GOLGA7: variants seen among roughly 807,000 people sequenced by gnomAD.
GOLGA7 encodes golgin subfamily A member 7.
In GOLGA7, 10 loss-of-function variants were observed where a neutral mutation model predicts 21.1. The ratio of observed to expected loss-of-function variants is 0.47; its 90% CI spans 0.29 to 0.80. The LOEUF (loss-of-function observed/expected upper bound fraction) is 0.80. Ranked by LOEUF, GOLGA7 falls within the 30% of genes least tolerant of loss-of-function variation. The pLI is 0.08. For synonymous variants in GOLGA7, 64 were observed against 62.6 expected (o/e 1.02, Z -0.10); for missense variants, 114 against 166.8 (o/e 0.68, Z 1.74).
At chr8:41,494,855 T>G (rs1026467612) in intron 1 of GOLGA7, among the ~76,000 whole-genome samples, 2 of 152,174 alleles carry the variant, frequency 1.3e-5, no homozygotes, top group Non-Finnish European at 2.9e-5. Context: ...GACAAAACAA[T>G]GACTACAACT....
chr8:41,492,422 G>T (rs1191374853), intron 1 of GOLGA7, among the ~76,000 whole-genome samples: 2 of 149,572 alleles, frequency 1.3e-5, no homozygotes, highest in Non-Finnish European at 3.0e-5. Flanking sequence ...AGCACTCTGG[G>T]AGGCCGTGGC....
At chr8:41,503,039 TTTTTA>T (rs1168073590) in intron 2 of GOLGA7, among the ~76,000 whole-genome samples, 2 of 152,210 alleles carry the variant, frequency 1.3e-5, no homozygotes, top group African/African-American at 4.8e-5. Context: ...TTTGTTTTAA[TTTTTA>T]TTTTATTTTT....
At chr8:41,499,533 G>A (rs953303077) in intron 2 of GOLGA7, among the ~76,000 whole-genome samples, 2 of 152,140 alleles carry the variant, frequency 1.3e-5, no homozygotes, top group African/African-American at 2.4e-5. Context: ...CAGGCCGCTC[G>A]ATGACCGAAC....
intron 2 of GOLGA7, among the ~76,000 whole-genome samples, chr8:41,502,339 A>T (rs780623335): frequency 1.6e-4 from 25 of 152,222 alleles, no homozygotes; most frequent in Non-Finnish European, 3.2e-4. Context: ...CGAAATTCCT[A>T]GTCTACAAAC....
At position 41,499,412 on chromosome 8, in the gene GOLGA7, C is replaced by A. The variant is rs146690223; in HGVS notation, c.264+1751C>A. On this transcript the variant is annotated intron_variant, in intron 2 of 4. Transcript: ENST00000357743. The stretch of plus-strand genomic sequence containing the variant: ...TCCCAGAGTTCTTGCCTTGGTGTAC[C>A]AGAAGAATCGGATCACATGTGGGCT... Among the ~76,000 whole-genome samples, 1,379 of 152,266 alleles carry A rather than the reference C, an allele frequency of 9.1e-3. 5 individuals carry two copies. The highest frequency in any genetic ancestry group is 0.016 in the Non-Finnish European group (1,079 of 68,020).
chr8:41,505,972 G>A lies in GOLGA7; in HGVS notation c.326G>A (p.Gly109Asp), dbSNP rs534106816. Residue 109 changes from glycine to aspartate, a missense_variant, in exon 3 of 5, where the codon GGC becomes GAC. Physicochemically the swap from Gly to Asp is moderately conservative, Grantham distance 94. Coordinates refer to ENST00000357743, the MANE Select transcript of GOLGA7 (RefSeq NM_001002296.2). Reference protein sequence around the residue: ...EQNEKIYAPQGLLLTDPIERG... With the variant: ...EQNEKIYAPQDLLLTDPIERG... ...AATGAGAAGATCTATGCTCCACAAG[G>A]CCTCCTCCTGACAGACCCTATTGAG... 3.7e-6 allele frequency: 6 copies of A among 1,602,400 alleles called. No homozygotes were observed. The South Asian group carries it at 4.4e-5, about 12-fold the overall frequency.
At chr8:41,498,867 T>C (rs17598565) in intron 2 of GOLGA7, among the ~76,000 whole-genome samples, 6,143 of 152,330 alleles carry the variant, frequency 0.04, 172 homozygotes, top group Middle Eastern at 0.082. Context: ...AAATTAATCA[T>C]GGTAAGCCCC....
chr8:41,508,004 T>A (rs1236921921), intron 4 of GOLGA7, among the ~76,000 whole-genome samples: 1 of 152,226 alleles, frequency 6.6e-6, no homozygotes. Context: ...CAAATGGTAC[T>A]TCTGAATCTC....
chr8:41,501,308 ATT>A (rs58977260), intron 2 of GOLGA7, among the ~76,000 whole-genome samples: 2 of 143,622 alleles, frequency 1.4e-5, no homozygotes, highest in Non-Finnish European at 1.5e-5. Flanking sequence ...CTTGAGGTCG[ATT>A]TTTTTTTTTT....
intron 2 of GOLGA7, among the ~76,000 whole-genome samples, chr8:41,498,336 C>T (rs371039294): frequency 6.6e-5 from 10 of 152,068 alleles, no homozygotes; most frequent in African/African-American, 1.9e-4. Flanking sequence ...TTTTATAAAG[C>T]GCAGATTTAC....
chr8:41,504,826 T>C (rs1382015403), intron 2 of GOLGA7, among the ~76,000 whole-genome samples: 1 of 152,210 alleles, frequency 6.6e-6, no homozygotes, highest in Non-Finnish European at 1.5e-5. Flanking sequence ...AATTGTGACA[T>C]CCTAATTTGT....
intron 2 of GOLGA7, among the ~76,000 whole-genome samples, chr8:41,501,307 G>GT: frequency 7.1e-6 from 1 of 141,024 alleles, no homozygotes. Context: ...TCTTGAGGTC[G>GT]ATTTTTTTTT....
At chr8:41,491,251 C>A (rs899061521) in intron 1 of GOLGA7, among the ~76,000 whole-genome samples, 1 of 152,182 alleles carries the variant, frequency 6.6e-6, no homozygotes, top group African/African-American at 2.4e-5. Context: ...TGCACTCCCC[C>A]AAATCCCCAC....
At chr8:41,506,188 G>A (rs1035625286) in intron 3 of GOLGA7, among the ~76,000 whole-genome samples, 176 bp downstream of exon 3, 6 of 151,468 alleles carry the variant, frequency 4.0e-5, no homozygotes, top group Non-Finnish European at 8.8e-5. Flanking sequence ...TTTAAAGCAT[G>A]TCCCTCCTTC....
At chr8:41,496,072 A>C (rs567667012) in intron 1 of GOLGA7, among the ~76,000 whole-genome samples, 1 of 152,264 alleles carries the variant, frequency 6.6e-6, no homozygotes, top group Admixed American at 6.5e-5. Flanking sequence ...TCCAAGTCTA[A>C]ACACGAAATT....
At position 41,490,655 on chromosome 8, in the gene GOLGA7, G is replaced by C. The variant is rs1249619500; in HGVS notation, c.-200G>C. The C allele has an allele frequency of 5.5e-6, 3 of 542,754 alleles. No individual in the cohort carries two copies. The highest frequency in any genetic ancestry group is 2.4e-5 in the South Asian group (1 of 42,310). The allele number at this position is 542,754 out of a possible 1,614,324, so 33.6% of individuals were successfully genotyped here. ...CGGGCCGAACCGGGTTGTGGGGGGC[G>C]CGGGGCCTGGGCCAGGCGGCAGCTA... On this transcript the variant is annotated 5_prime_UTR_variant, in exon 1 of 5. Transcript: ENST00000357743.
Position 41,490,744 on chromosome 8 carries a change from C to T in GOLGA7, c.-111C>T. ...AGAGGAGGCCTTGGGCTGTTTTCGGCGGCGGGTGGGGGCGAGGGGCTGGCG... is the reference window on the plus strand; with the variant it reads ...AGAGGAGGCCTTGGGCTGTTTTCGGTGGCGGGTGGGGGCGAGGGGCTGGCG... On this transcript the variant is annotated 5_prime_UTR_variant, in exon 1 of 5. Transcript: ENST00000357743. 3.1e-6 allele frequency: 2 copies of T among 648,718 alleles called. No individual in the cohort carries two copies. The highest frequency in any genetic ancestry group is 2.8e-5 in the East Asian group (1 of 36,356). 40.2% of individuals were successfully genotyped at this position (648,718 alleles called of 1,614,324 possible).
Position 41,490,900 on chromosome 8 carries a change from C to A in GOLGA7, c.46C>A (p.Arg16=). ...GGTGTCCGGAAAGGTGTTCATTCAG[C>A]GAGACTACAGCAGTGGCACACGCTG... is the stretch of plus-strand genomic sequence containing the variant. ...APVSGKVFIQ[R]DYSSGTRCQF... The change falls in exon 1 of 5, where the codon CGA becomes AGA. Residue 16 remains arginine, a synonymous_variant. Transcript: ENST00000357743. 6.2e-7 allele frequency: 1 copy of A among 1,604,086 alleles called. No homozygotes were observed. Among genetic ancestry groups the A allele is most frequent in the East Asian group, 2.3e-5 (1 of 44,402 alleles).
intron 2 of GOLGA7, among the ~76,000 whole-genome samples, chr8:41,504,296 T>G (rs1265476223): frequency 1.3e-5 from 2 of 152,180 alleles, no homozygotes; most frequent in African/African-American, 4.8e-5. Context: ...GCAGGCATTT[T>G]TCTGAGTGTC....
Sources: allele counts gnomAD v4.1 joint callset (sites outside exome capture counted in the v4.1 genomes callset), GRCh38; gene constraint gnomAD v4.1.1; transcripts MANE v1.5; gene names NCBI Gene and HGNC (gene_info 2026-07-23, HGNC 2026-07-21).